The following DSCAM variants were observed in gnomAD, a reference collection of about 807,000 sequenced individuals.
The protein encoded by DSCAM is cell adhesion molecule DSCAM.
DSCAM carries 47 observed loss-of-function variants against 217.7 expected under a neutral mutation model. That is an observed-to-expected ratio of 0.22 (90% CI 0.17 to 0.28). DSCAM has a LOEUF of 0.28. Ranked by LOEUF, DSCAM falls within the 10% of genes least tolerant of loss-of-function variation. The pLI, the probability that DSCAM is intolerant of heterozygous loss-of-function variation, is 1.00. For missense variants in DSCAM, 2,080 were observed against 2,618.3 expected (o/e 0.79, Z 4.49); for synonymous variants, 1,056 against 1,015.3 (o/e 1.04, Z -0.76).
chr21:40,508,321 C>T (rs1363636277), intron 3 of DSCAM, among the ~76,000 whole-genome samples: 1 of 152,114 alleles, frequency 6.6e-6, no homozygotes, highest in East Asian at 1.9e-4. Context: ...GACAGCCACA[C>T]TGCACCCACA....
chr21:40,028,465 G>A (rs1325681060), intron 32 of DSCAM, among the ~76,000 whole-genome samples: 2 of 151,890 alleles, frequency 1.3e-5, no homozygotes, highest in African/African-American at 4.8e-5. Flanking sequence ...CCACCTTGCA[G>A]TTTGATCTCA....
intron 11 of DSCAM, among the ~76,000 whole-genome samples, chr21:40,273,049 C>T (rs2073640547): frequency 6.6e-6 from 1 of 152,158 alleles, no homozygotes; most frequent in Admixed American, 6.5e-5. Context: ...TTTCTTCTTC[C>T]CTTTTCCTAG....
intron 3 of DSCAM, among the ~76,000 whole-genome samples, chr21:40,437,783 G>A (rs1204134568): frequency 1.3e-5 from 2 of 152,194 alleles, no homozygotes; most frequent in Non-Finnish European, 2.9e-5. Context: ...CTGGGAGGCA[G>A]AGGTTGCAGT....
At chr21:40,521,200 T>C (rs2076355899) in intron 3 of DSCAM, among the ~76,000 whole-genome samples, 1 of 152,124 alleles carries the variant, frequency 6.6e-6, no homozygotes, top group Admixed American at 6.6e-5. Context: ...GGTACTGACA[T>C]CTAGTGGGTG....
At chr21:40,132,014 T>C (rs2090159263) in intron 19 of DSCAM, among the ~76,000 whole-genome samples, 1 of 152,342 alleles carries the variant, frequency 6.6e-6, no homozygotes, top group African/African-American at 2.4e-5. Flanking sequence ...TCTTATTGGA[T>C]TTCTGTACAT....
At chr21:40,549,828 C>G (rs528210359) in intron 3 of DSCAM, among the ~76,000 whole-genome samples, 25 of 152,256 alleles carry the variant, frequency 1.6e-4, no homozygotes, top group Non-Finnish European at 3.2e-4. Flanking sequence ...GTACATCATG[C>G]AAGACGAGAT....
intron 3 of DSCAM, among the ~76,000 whole-genome samples, chr21:40,504,264 AC>A (rs1257354472): frequency 1.3e-5 from 2 of 152,178 alleles, no homozygotes; most frequent in African/African-American, 2.4e-5. Context: ...ACTCAATAAC[AC>A]CAAGTCTGTA....
intron 10 of DSCAM, among the ~76,000 whole-genome samples, chr21:40,279,414 A>G (rs1038575665): frequency 6.6e-6 from 1 of 152,230 alleles, no homozygotes; most frequent in African/African-American, 2.4e-5. Context: ...GCAAATCAAA[A>G]CCACAATGTG....
At chr21:40,172,728 G>A (rs1402379974) in intron 15 of DSCAM, among the ~76,000 whole-genome samples, 4 of 152,200 alleles carry the variant, frequency 2.6e-5, no homozygotes, top group Admixed American at 2.0e-4. Context: ...TTTTGCCTCT[G>A]GTTCTGATTG....
At position 40,296,148 on chromosome 21, in the gene DSCAM, G is replaced by A. The variant is rs377756924; in HGVS notation, c.2089C>T (p.Arg697Trp). ...RVPPKFVVQP[R>W]DQDGIYGKAV... ...TTGCCATAAATCCCGTCCTGGTCCC[G>A]TGGCTGAACCACAAACTTGGGAGGA... Residue 697 changes from arginine to tryptophan, a missense_variant, in exon 10 of 33, where the codon CGG (arginine) becomes TGG (tryptophan). Transcript: ENST00000400454. 118 of 1,614,066 alleles carry A rather than the reference G, an allele frequency of 7.3e-5. No homozygotes were observed. Among genetic ancestry groups the A allele is most frequent in the Admixed American group, 3.2e-4 (19 of 60,004 alleles).
intron 29 of DSCAM, among the ~76,000 whole-genome samples, chr21:40,055,075 G>A (rs753063396): frequency 4.6e-5 from 7 of 152,164 alleles, no homozygotes; most frequent in Non-Finnish European, 1.0e-4. Context: ...ATGGACTTCA[G>A]GTGGAAAGAG....
In DSCAM at chr21:40,543,475, G is replaced by A. The variant is rs562814330; in HGVS notation, c.508+149335C>T. On this transcript the variant is annotated intron_variant, in intron 3 of 32. Coordinates refer to ENST00000400454, the MANE Select transcript of DSCAM (RefSeq NM_001389.5). ...GGGTAGGTCATGTCCTATCACAAGC[G>A]ACCCTCTAGGGGAATGCATTAAGCA... Among the ~76,000 whole-genome samples, 5 of 152,140 alleles carry A rather than the reference G, an allele frequency of 3.3e-5. No homozygotes were observed. The East Asian group carries it at 5.8e-4, about 18-fold the overall frequency.
At chr21:40,439,026 T>C (rs2075608581) in intron 3 of DSCAM, among the ~76,000 whole-genome samples, 1 of 152,200 alleles carries the variant, frequency 6.6e-6, no homozygotes. Context: ...CCCTTTTCTA[T>C]TGCACCATTG....
Position 40,834,427 on chromosome 21 carries a change from AATAATAATAAT to A in DSCAM, c.43+12181_43+12191del, listed in dbSNP as rs2092039766. Reference sequence around the variant, plus strand: ...GTCTCCAAAATAATAATAATAATAAAATAATAATAATAATAATAATAATAATAATAATAATA... The same window carrying A: ...GTCTCCAAAATAATAATAATAATAAAAATAATAATAATAATAATAATAATA... On this transcript the variant is annotated intron_variant, in intron 1 of 32. Coordinates refer to ENST00000400454, the MANE Select transcript of DSCAM (RefSeq NM_001389.5). Among the ~76,000 whole-genome samples the A allele has an allele frequency of 2.9e-4, 5 of 17,120 alleles. No individual in the cohort carries two copies. The Admixed American group carries it at 3.2e-3, about 11-fold the overall frequency. 11.2% of individuals were successfully genotyped at this position (17,120 alleles called of 152,430 possible).
chr21:40,089,538 C>T (rs1285494915), intron 21 of DSCAM, among the ~76,000 whole-genome samples: 2 of 152,188 alleles, frequency 1.3e-5, no homozygotes, highest in African/African-American at 4.8e-5. Flanking sequence ...TCTGCCACTC[C>T]CTCCATAAAA....
chr21:40,083,386 G>A (rs1483265648), intron 24 of DSCAM, among the ~76,000 whole-genome samples: 1 of 152,198 alleles, frequency 6.6e-6, no homozygotes, highest in Non-Finnish European at 1.5e-5. Context: ...CTGAGATAGT[G>A]CCACTGCACT....
At chr21:40,424,105 A>G (rs1274943650) in intron 3 of DSCAM, among the ~76,000 whole-genome samples, 1 of 152,196 alleles carries the variant, frequency 6.6e-6, no homozygotes, top group Non-Finnish European at 1.5e-5. Flanking sequence ...ATCAATACCA[A>G]GATTTGGAAC....
At chr21:40,283,832 G>C (rs1314762349) in intron 10 of DSCAM, among the ~76,000 whole-genome samples, 1 of 152,220 alleles carries the variant, frequency 6.6e-6, no homozygotes, top group Non-Finnish European at 1.5e-5. Context: ...TGCAAGGAGA[G>C]CTTGGTCAAT....
chr21:40,215,166 C>A (rs2091230346), intron 11 of DSCAM, among the ~76,000 whole-genome samples: 1 of 33,562 alleles, frequency 3.0e-5, no homozygotes, highest in Non-Finnish European at 6.7e-5. Context: ...TTGCAGTGAG[C>A]CGAGATTGCG....
Sources: gnomAD v4.1 joint callset for allele counts (sites outside exome capture counted in the v4.1 genomes callset) on GRCh38, gnomAD v4.1.1 for gene constraint, MANE v1.5 for transcripts, NCBI Gene and HGNC (gene_info 2026-07-23, HGNC 2026-07-21) for gene names.